The following ADARB2 variants were observed in gnomAD, a reference collection of about 807,000 sequenced individuals.
ADARB2 encodes inactive double-stranded RNA-specific editase B2.
Under a neutral mutation model 62.2 loss-of-function variants are expected in ADARB2, and 25 were observed. The observed-to-expected ratio is 0.40, with a 90% CI of 0.29 to 0.56. The LOEUF (loss-of-function observed/expected upper bound fraction) is 0.56, where lower values mean the gene tolerates loss of function less well. Among genes scored for constraint, ADARB2 ranks in the 20% least tolerant of loss-of-function variants. The pLI, the probability that ADARB2 is intolerant of heterozygous loss-of-function variation, is 0.43. For synonymous variants in ADARB2, 572 were observed against 500.8 expected, an observed-to-expected ratio of 1.14 and a Z score of -1.90; for missense variants, 1,071 against 1,077.4, an observed-to-expected ratio of 0.99 and a Z score of 0.08.
rs1831227221 is a variant in ADARB2, at chr10:1,464,640, ACG to A, written c.101-85482_101-85481del. Among the ~76,000 whole-genome samples the A allele has an allele frequency of 1.2e-3, 23 of 19,752 alleles. 2 individuals are homozygous for A. Among genetic ancestry groups the A allele is most frequent in the African/African-American group, 2.3e-3 (14 of 6,144 alleles). 13.0% of individuals were successfully genotyped at this position (19,752 alleles called of 152,430 possible). ...GCTGGGGGCAGTCACAGCGGGCAGC[ACG>A]CTGGAGAAGAGGGTGGACACACACT... On this transcript the variant is annotated intron_variant, in intron 1 of 9. Transcript: ENST00000381312.
At chr10:1,205,827 C>G (rs1429655813) in intron 7 of ADARB2, among the ~76,000 whole-genome samples, 1 of 152,234 alleles carries the variant, frequency 6.6e-6, no homozygotes. Context: ...ATCCTGACTG[C>G]TGACGTTTGG....
chr10:1,655,678 A>G (rs555235465), intron 1 of ADARB2, among the ~76,000 whole-genome samples: 39 of 152,328 alleles, frequency 2.6e-4, no homozygotes, highest in African/African-American at 9.4e-4. Context: ...GAATTAAAAA[A>G]AAAAAGAAAA....
At chr10:1,516,505 C>T (rs1362200830) in intron 1 of ADARB2, among the ~76,000 whole-genome samples, 2 of 151,506 alleles carry the variant, frequency 1.3e-5, no homozygotes, top group East Asian at 3.9e-4. Flanking sequence ...GCGGGCTGCT[C>T]TGTGCGGGCT....
At chr10:1,376,853 C>T (rs1832433453) in intron 2 of ADARB2, among the ~76,000 whole-genome samples, 2 of 96,100 alleles carry the variant, frequency 2.1e-5, no homozygotes, top group South Asian at 6.3e-4. Flanking sequence ...TCAGGCTCAG[C>T]TTTGGTGGGG....
intron 1 of ADARB2, among the ~76,000 whole-genome samples, chr10:1,462,956 C>G (rs1345819876): frequency 1.3e-5 from 2 of 149,790 alleles, no homozygotes; most frequent in Non-Finnish European, 2.9e-5. Context: ...AAACAAGAAA[C>G]AGCCTCAAAA....
intron 1 of ADARB2, among the ~76,000 whole-genome samples, chr10:1,532,898 G>C (rs900230210): frequency 6.6e-6 from 1 of 152,114 alleles, no homozygotes; most frequent in Non-Finnish European, 1.5e-5. Flanking sequence ...AACCCCTCAG[G>C]CTGCCCCAGG....
At chr10:1,614,553 C>T (rs967605830) in intron 1 of ADARB2, among the ~76,000 whole-genome samples, 7 of 152,146 alleles carry the variant, frequency 4.6e-5, no homozygotes, top group Non-Finnish European at 1.0e-4. Context: ...AAATAGGTTC[C>T]CTCAATGAGT....
At chr10:1,244,795 G>A (rs1289429847) in intron 4 of ADARB2, among the ~76,000 whole-genome samples, 2 of 152,318 alleles carry the variant, frequency 1.3e-5, no homozygotes, top group Admixed American at 1.3e-4. Context: ...TTCTGCACAG[G>A]TGGCAGGAGG....
At chr10:1,725,315 C>CGCGGTTCTA (rs1350667329) in intron 1 of ADARB2, among the ~76,000 whole-genome samples, 1 of 152,234 alleles carries the variant, frequency 6.6e-6, no homozygotes, top group Non-Finnish European at 1.5e-5. Context: ...GTGGCACACA[C>CGCGGTTCTA]GCGGTTCTAT....
chr10:1,345,010 A>C (rs769642610), intron 3 of ADARB2, among the ~76,000 whole-genome samples: 1 of 152,222 alleles, frequency 6.6e-6, no homozygotes, highest in Non-Finnish European at 1.5e-5. Flanking sequence ...CAGGGAACAC[A>C]GCTGCCCAGA....
chr10:1,201,477 G>A (rs193085380), intron 7 of ADARB2, among the ~76,000 whole-genome samples: 31 of 152,302 alleles, frequency 2.0e-4, no homozygotes, highest in African/African-American at 7.5e-4. Flanking sequence ...AGAAAGCAAG[G>A]GAAGGGCTGG....
At chr10:1,393,429 T>C (rs1388703852) in intron 1 of ADARB2, among the ~76,000 whole-genome samples, 8 of 152,240 alleles carry the variant, frequency 5.3e-5, no homozygotes, top group Admixed American at 6.5e-5. Context: ...ATTCATCCTG[T>C]TGTGCTATCA....
intron 4 of ADARB2, among the ~76,000 whole-genome samples, chr10:1,243,201 C>A (rs1002540993): frequency 6.6e-6 from 1 of 152,226 alleles, no homozygotes; most frequent in Non-Finnish European, 1.5e-5. Flanking sequence ...AGGAATGTTG[C>A]GGGTGCCCAG....
chr10:1,410,299 A>G (rs60785599), intron 1 of ADARB2, among the ~76,000 whole-genome samples: 1 of 132,988 alleles, frequency 7.5e-6, no homozygotes, highest in South Asian at 2.1e-4. Context: ...AGTGGTGCTG[A>G]GGCCTGGCCG....
chr10:1,450,512 G>A (rs372371960), intron 1 of ADARB2, among the ~76,000 whole-genome samples: 28 of 152,262 alleles, frequency 1.8e-4, no homozygotes, highest in African/African-American at 5.3e-4. Flanking sequence ...TGCCTCCCTC[G>A]CCCCCTTGGA....
intron 1 of ADARB2, among the ~76,000 whole-genome samples, chr10:1,703,966 C>T (rs564029850): frequency 2.2e-4 from 34 of 152,290 alleles, no homozygotes; most frequent in African/African-American, 4.3e-4. Flanking sequence ...CCTAGCAAGC[C>T]GTGATTGATT....
intron 1 of ADARB2, among the ~76,000 whole-genome samples, chr10:1,717,295 A>G (rs543682156): frequency 2.7e-5 from 4 of 150,416 alleles, no homozygotes; most frequent in African/African-American, 9.8e-5. Flanking sequence ...TTGGTTGCAC[A>G]GGGATCTGAG....
chr10:1,265,824 A>G (rs1398850093), intron 4 of ADARB2, among the ~76,000 whole-genome samples: 5 of 134,810 alleles, frequency 3.7e-5, no homozygotes, highest in Non-Finnish European at 8.0e-5. Context: ...AGGGGGGCCC[A>G]GGGTCCCCCG....
Position 1,737,253 on chromosome 10 carries a change from C to A in ADARB2, c.-103G>T. 2 of 1,237,840 alleles carry A rather than the reference C, an allele frequency of 1.6e-6. No individual in the cohort carries two copies. The highest frequency in any genetic ancestry group is 2.3e-5 in the East Asian group (1 of 42,652). The allele number at this position is 1,237,840 out of a possible 1,614,324, so 76.7% of individuals were successfully genotyped here. A position where few individuals can be genotyped will look rare whatever the true frequency, so the allele number is the denominator to read the frequency against. ...GCCGCTGCTGCGAAGCTTGAGGTTG[C>A]AAACCCGGGAGCGGCTCACTTTTCA... is the stretch of plus-strand genomic sequence containing the variant. On this transcript the variant is annotated 5_prime_UTR_variant, in exon 1 of 10. Transcript: ENST00000381312.
Sources: allele counts gnomAD v4.1 joint callset (sites outside exome capture counted in the v4.1 genomes callset), GRCh38; gene constraint gnomAD v4.1.1; transcripts MANE v1.5; gene names NCBI Gene and HGNC (gene_info 2026-07-23, HGNC 2026-07-21).